Variants in DGKB observed in about 807,000 individuals in gnomAD.
DGKB encodes the protein 90 kDa diacylglycerol kinase.
A neutral mutation model predicts 114.3 loss-of-function variants in DGKB; 67 were observed. That is an observed-to-expected ratio of 0.59 (90% confidence interval 0.48 to 0.72). The LOEUF (loss-of-function observed/expected upper bound fraction) is 0.72. Ranked by LOEUF, DGKB falls within the 30% of genes least tolerant of loss-of-function variation. The probability of loss-of-function intolerance (pLI) is 0.00; values close to 1 mark genes in which losing one functional copy is unlikely to be tolerated. For missense variants in DGKB, 907 were observed against 975.2 expected, an observed-to-expected ratio of 0.93 and a Z score of 0.93; for synonymous variants, 398 against 323.1, an observed-to-expected ratio of 1.23 and a Z score of -2.49.
At chr7:14,652,640 A>G (rs1407013749) in intron 13 of DGKB, among the ~76,000 whole-genome samples, 1 of 149,614 alleles carries the variant, frequency 6.7e-6, no homozygotes, top group Non-Finnish European at 1.5e-5. Flanking sequence ...AAAAGCCAAA[A>G]TTGACAAATG....
chr7:14,370,362 T>G (rs1264748139), intron 21 of DGKB, among the ~76,000 whole-genome samples: 1 of 152,222 alleles, frequency 6.6e-6, no homozygotes, highest in Admixed American at 6.5e-5. Flanking sequence ...GGTAGTGTGA[T>G]GCCTCTAGCT....
intron 1 of DGKB, among the ~76,000 whole-genome samples, chr7:14,843,524 C>T (rs1462803380): frequency 1.3e-5 from 2 of 150,556 alleles, no homozygotes; most frequent in Non-Finnish European, 3.0e-5. Context: ...TTAGTAGAGA[C>T]GGGGTTTCAC....
At chr7:14,320,150 C>T (rs930344881) in intron 23 of DGKB, among the ~76,000 whole-genome samples, 9 of 152,062 alleles carry the variant, frequency 5.9e-5, no homozygotes, top group Admixed American at 2.0e-4. Context: ...TAGGTGGGAG[C>T]TGAGGGGGAG....
At position 14,604,580 on chromosome 7, in the gene DGKB, A is replaced by T. The variant is rs967796492; in HGVS notation, c.1433+2854T>A. Among the ~76,000 whole-genome samples the T allele has an allele frequency of 3.9e-5, 6 of 152,192 alleles. 1 individual carries two copies. In the South Asian group the frequency reaches 1.2e-3, roughly 31 times the overall value. On this transcript the variant is annotated intron_variant, in intron 17 of 25. Transcript: ENST00000402815. ...GTTAGCATTGGAAAAGTAATAAACTAGAAATGGTGATAAAACTAAAATGTA... is the reference window on the plus strand; with the variant it reads ...GTTAGCATTGGAAAAGTAATAAACTTGAAATGGTGATAAAACTAAAATGTA...
chr7:14,840,004 T>C (rs1019886856), intron 2 of DGKB, among the ~76,000 whole-genome samples: 5 of 152,180 alleles, frequency 3.3e-5, no homozygotes, highest in Admixed American at 2.0e-4. Context: ...TGGCTCATAA[T>C]ATGTACTCTA....
intron 1 of DGKB, among the ~76,000 whole-genome samples, chr7:14,852,025 A>C (rs1849418029): frequency 6.6e-6 from 1 of 152,188 alleles, no homozygotes; most frequent in South Asian, 2.1e-4. Context: ...CTGGCCTACC[A>C]AATCTATAAA....
chr7:14,216,643 T>C (rs560777846), intron 23 of DGKB, among the ~76,000 whole-genome samples: 4 of 149,638 alleles, frequency 2.7e-5, no homozygotes, highest in African/African-American at 9.9e-5. Flanking sequence ...GGAGAATCAC[T>C]TGAACCCGGG....
chr7:14,412,079 C>T (rs1431225439), intron 21 of DGKB, among the ~76,000 whole-genome samples: 1 of 152,046 alleles, frequency 6.6e-6, no homozygotes, highest in East Asian at 1.9e-4. Flanking sequence ...GTGTATGGGT[C>T]ATGCATGAGC....
intron 23 of DGKB, among the ~76,000 whole-genome samples, chr7:14,333,460 TAAA>T (rs36112659): frequency 0.011 from 1,338 of 125,758 alleles, 11 homozygotes; most frequent in African/African-American, 0.028. Flanking sequence ...GACTCCGTCT[TAAA>T]AAAAAAAAAA....
At chr7:14,838,387 A>C (rs2128133633) in intron 2 of DGKB, among the ~76,000 whole-genome samples, 1 of 152,276 alleles carries the variant, frequency 6.6e-6, no homozygotes, top group East Asian at 1.9e-4. Flanking sequence ...CTTTTCTTAT[A>C]AGTACTTAAA....
intron 1 of DGKB, among the ~76,000 whole-genome samples, chr7:14,896,716 C>A (rs1782158355): frequency 6.6e-6 from 1 of 151,678 alleles, no homozygotes; most frequent in South Asian, 2.1e-4. Flanking sequence ...AAGTCTAAAG[C>A]ATAGAATTTA....
chr7:14,315,414 C>T (rs1806284344), intron 23 of DGKB, among the ~76,000 whole-genome samples: 1 of 150,276 alleles, frequency 6.7e-6, no homozygotes, highest in Admixed American at 6.6e-5. Context: ...CACACATGGG[C>T]TCAAAATAAA....
chr7:14,941,373 T>C (rs1785562816), intron 1 of DGKB, among the ~76,000 whole-genome samples: 1 of 152,096 alleles, frequency 6.6e-6, no homozygotes, highest in African/African-American at 2.4e-5. Flanking sequence ...CTGTATCATT[T>C]TGGGATCCAG....
intron 21 of DGKB, among the ~76,000 whole-genome samples, chr7:14,450,979 C>T (rs375479011): frequency 1.4e-3 from 219 of 152,064 alleles, no homozygotes; most frequent in African/African-American, 3.8e-3. Context: ...CAGTCAGATG[C>T]CCAAAATATC....
At chr7:14,248,981 T>C (rs931618964) in intron 23 of DGKB, among the ~76,000 whole-genome samples, 1 of 152,154 alleles carries the variant, frequency 6.6e-6, no homozygotes, top group Non-Finnish European at 1.5e-5. Context: ...GGGTCTCTCT[T>C]GTATGGCGTT....
intron 21 of DGKB, among the ~76,000 whole-genome samples, chr7:14,426,630 C>A (rs777524033): frequency 5.9e-5 from 9 of 152,252 alleles, no homozygotes; most frequent in Non-Finnish European, 1.2e-4. Flanking sequence ...GGCAACCATG[C>A]TAAAATTATG....
intron 4 of DGKB, among the ~76,000 whole-genome samples, chr7:14,745,228 A>C (rs941481610): frequency 3.0e-4 from 46 of 152,196 alleles, no homozygotes; most frequent in African/African-American, 1.1e-3. Context: ...CCTTCAGGCC[A>C]TCAAACTCCA....
chr7:14,519,785 G>A (rs1490178737), intron 20 of DGKB, among the ~76,000 whole-genome samples: 2 of 151,474 alleles, frequency 1.3e-5, no homozygotes. Flanking sequence ...ATTTTAATTT[G>A]CATTTCTTTA....
intron 1 of DGKB, among the ~76,000 whole-genome samples, chr7:14,949,949 T>C (rs1224777101): frequency 2.0e-5 from 3 of 150,922 alleles, no homozygotes; most frequent in African/African-American, 7.3e-5. Flanking sequence ...CAGGAGCTTG[T>C]TGTGGGGTGG....
Sources: allele counts gnomAD v4.1 joint callset (sites outside exome capture counted in the v4.1 genomes callset), GRCh38; gene constraint gnomAD v4.1.1; transcripts MANE v1.5; gene names NCBI Gene and HGNC (gene_info 2026-07-23, HGNC 2026-07-21).